The following PLPPR1 variants were observed in gnomAD, a reference collection of about 807,000 sequenced individuals.
PLPPR1 encodes phospholipid phosphatase-related protein type 1.
A neutral mutation model predicts 33.1 loss-of-function variants in PLPPR1; 10 were observed. The observed-to-expected ratio is 0.30, with a 90% confidence interval of 0.19 to 0.51. The LOEUF (loss-of-function observed/expected upper bound fraction) is 0.51, where lower values mean the gene tolerates loss of function less well. Among genes scored for constraint, PLPPR1 ranks in the 20% least tolerant of loss-of-function variants. The pLI, the probability that PLPPR1 is intolerant of heterozygous loss-of-function variation, is 0.97. For synonymous variants in PLPPR1, 151 were observed against 151.0 expected (o/e 1.00, Z 0.00); for missense variants, 304 against 408.1 (o/e 0.74, Z 2.20).
In PLPPR1 at chr9:101,251,636, A is replaced by G. The variant is rs200502137; in HGVS notation, c.64-18244A>G. Among the ~76,000 whole-genome samples the G allele has an allele frequency of 9.1e-4, 138 of 152,016 alleles. 1 individual carries two copies. In the East Asian group the frequency reaches 0.016, roughly 17 times the overall value. On this transcript the variant is annotated intron_variant, in intron 2 of 7. Transcript: ENST00000374874. ...TCTCCTTTTTTGAGTTTCACCTGTT[A>G]CTTCTCCATCTTCATCCTGAGATAG...
chr9:101,236,343 T>C (rs1399838561), intron 2 of PLPPR1, among the ~76,000 whole-genome samples: 1 of 151,808 alleles, frequency 6.6e-6, no homozygotes, highest in Non-Finnish European at 1.5e-5. Flanking sequence ...ATCTAATTTC[T>C]CATAATTCTT....
intron 3 of PLPPR1, among the ~76,000 whole-genome samples, chr9:101,277,792 C>T (rs1828225676): frequency 6.6e-6 from 1 of 152,172 alleles, no homozygotes; most frequent in South Asian, 2.1e-4. Context: ...TTTCTTTCTC[C>T]TGTTTCAACA....
intron 1 of PLPPR1, among the ~76,000 whole-genome samples, chr9:101,032,849 T>G (rs1829962140): frequency 6.6e-6 from 1 of 152,172 alleles, no homozygotes; most frequent in African/African-American, 2.4e-5. Context: ...AATAGCATCA[T>G]GACTCTTTTT....
chr9:101,308,720 G>A (rs1455715323), intron 4 of PLPPR1, among the ~76,000 whole-genome samples: 3 of 151,310 alleles, frequency 2.0e-5, no homozygotes, highest in African/African-American at 7.4e-5. Context: ...CTCCTCCCAA[G>A]ATGATTTACA....
intron 2 of PLPPR1, among the ~76,000 whole-genome samples, chr9:101,203,130 G>T (rs1177171998): frequency 1.3e-5 from 2 of 152,090 alleles, no homozygotes; most frequent in African/African-American, 4.8e-5. Context: ...TAAATGATTT[G>T]GGGGCAGTGC....
Position 101,173,276 on chromosome 9 carries a change from ATTG to A in PLPPR1, c.-45-12169_-45-12167del, listed in dbSNP as rs975584367. Among the ~76,000 whole-genome samples the A allele has an allele frequency of 2.0e-5, 3 of 152,268 alleles. No homozygotes were observed. In the East Asian group the frequency reaches 5.8e-4, roughly 29 times the overall value. On this transcript the variant is annotated intron_variant, in intron 1 of 7. Transcript: ENST00000374874. ...TACAAATCATTTTTATATTAATGAA[ATTG>A]TTGTGAAGACTAAGTTTAATAGTTA...
chr9:101,156,851 G>C (rs1331046698), intron 1 of PLPPR1, among the ~76,000 whole-genome samples: 1 of 152,036 alleles, frequency 6.6e-6, no homozygotes, highest in Non-Finnish European at 1.5e-5. Flanking sequence ...TATTTGCAGA[G>C]AAATATAAAT....
At chr9:101,277,260 T>C (rs960735486) in intron 3 of PLPPR1, among the ~76,000 whole-genome samples, 9 of 151,754 alleles carry the variant, frequency 5.9e-5, no homozygotes, top group African/African-American at 1.9e-4. Context: ...TATTGGGGAG[T>C]ATATAAAGAA....
chr9:101,203,356 TA>T (rs1826525643), intron 2 of PLPPR1, among the ~76,000 whole-genome samples: 1 of 151,998 alleles, frequency 6.6e-6, no homozygotes, highest in African/African-American at 2.4e-5. Flanking sequence ...GCAGAGACCT[TA>T]GGGGGGGAAA....
At chr9:101,116,677 G>C (rs1831121741) in intron 1 of PLPPR1, among the ~76,000 whole-genome samples, 1 of 151,932 alleles carries the variant, frequency 6.6e-6, no homozygotes, top group Admixed American at 6.6e-5. Context: ...TGGGTGTGGT[G>C]GTGCGTGCCT....
chr9:101,197,307 C>T (rs1054521829), intron 2 of PLPPR1, among the ~76,000 whole-genome samples: 1 of 152,210 alleles, frequency 6.6e-6, no homozygotes, highest in African/African-American at 2.4e-5. Flanking sequence ...TTTCTCCACA[C>T]AGAGCCGGGA....
chr9:101,147,090 A>G (rs538721301), intron 1 of PLPPR1, among the ~76,000 whole-genome samples: 32 of 152,288 alleles, frequency 2.1e-4, no homozygotes, highest in African/African-American at 7.5e-4. Flanking sequence ...TAACTTCCCT[A>G]CAAAAGAGGT....
chr9:101,216,503 T>C (rs868665257), intron 2 of PLPPR1, among the ~76,000 whole-genome samples: 5 of 152,222 alleles, frequency 3.3e-5, no homozygotes, highest in African/African-American at 4.8e-5. Context: ...TGCTGATTGA[T>C]TCCTTTGCTA....
chr9:101,118,170 C>A (rs992196469), intron 1 of PLPPR1, among the ~76,000 whole-genome samples: 1 of 152,202 alleles, frequency 6.6e-6, no homozygotes, highest in African/African-American at 2.4e-5. Flanking sequence ...AGCTGATAAA[C>A]AGAGGCTATG....
chr9:101,168,809 C>A (rs1159267157), intron 1 of PLPPR1, among the ~76,000 whole-genome samples: 1 of 152,232 alleles, frequency 6.6e-6, no homozygotes, highest in Middle Eastern at 3.4e-3. Context: ...GCCCATTTTA[C>A]AATAGACTTC....
At chr9:101,071,033 G>A (rs2118488380) in intron 1 of PLPPR1, among the ~76,000 whole-genome samples, 1 of 152,228 alleles carries the variant, frequency 6.6e-6, no homozygotes, top group East Asian at 1.9e-4. Context: ...AACAAGATCA[G>A]GTTTGATTTT....
At chr9:101,281,833 A>G (rs1011633153) in intron 3 of PLPPR1, among the ~76,000 whole-genome samples, 1 of 152,154 alleles carries the variant, frequency 6.6e-6, no homozygotes, top group African/African-American at 2.4e-5. Context: ...ATAGCCTAGA[A>G]GAAACAGGTA....
At chr9:101,274,250 T>A (rs1828149459) in intron 3 of PLPPR1, among the ~76,000 whole-genome samples, 1 of 152,210 alleles carries the variant, frequency 6.6e-6, no homozygotes, top group Admixed American at 6.5e-5. Flanking sequence ...AATATACTTA[T>A]ATTCTGCAGA....
intron 1 of PLPPR1, among the ~76,000 whole-genome samples, chr9:101,134,329 G>A (rs1442655302): frequency 6.6e-6 from 1 of 151,786 alleles, no homozygotes; most frequent in Non-Finnish European, 1.5e-5. Context: ...TTTGAGGAGA[G>A]CATCAGATAA....
Sources: gnomAD v4.1 joint callset for allele counts (sites outside exome capture counted in the v4.1 genomes callset) on GRCh38, gnomAD v4.1.1 for gene constraint, MANE v1.5 for transcripts, NCBI Gene and HGNC (gene_info 2026-07-23, HGNC 2026-07-21) for gene names.